The following WRN variants were observed in gnomAD, a reference collection of about 807,000 sequenced individuals.
WRN encodes WRN RecQ like helicase.
In WRN, 149 loss-of-function variants were observed where a neutral mutation model predicts 180.7. The observed-to-expected ratio is 0.82, with a 90% CI of 0.72 to 0.94. The LOEUF (loss-of-function observed/expected upper bound fraction) is 0.94, where lower values mean the gene tolerates loss of function less well. Among genes scored for constraint, WRN ranks in the 40% least tolerant of loss-of-function variants. WRN has a pLI of 0.00. For missense variants in WRN, 1,661 were observed against 1,700.1 expected (o/e 0.98, Z 0.40); for synonymous variants, 548 against 568.9 (o/e 0.96, Z 0.52).
At chr8:31,165,306 C>T (rs530540199) in intron 33 of WRN, among the ~76,000 whole-genome samples, 1 of 151,340 alleles carries the variant, frequency 6.6e-6, no homozygotes, top group Non-Finnish European at 1.5e-5. Flanking sequence ...TTCTAAATAC[C>T]CATGGAAGAA....
chr8:31,112,768 A>G (rs1427317428), intron 19 of WRN, among the ~76,000 whole-genome samples: 2 of 151,948 alleles, frequency 1.3e-5, no homozygotes, highest in East Asian at 1.9e-4. Context: ...TGTATTTTTT[A>G]GTGGAGACGG....
chr8:31,147,009 A>G, intron 28 of WRN, 44 bp from the exon 29 acceptor site: 1 of 1,498,058 alleles, frequency 6.7e-7, no homozygotes, highest in Non-Finnish European at 9.1e-7. Flanking sequence ...GTCAATGAGG[A>G]GAAAGAAAAG....
chr8:31,049,899 A>C (rs1812021620), intron 1 of WRN, among the ~76,000 whole-genome samples: 1 of 151,932 alleles, frequency 6.6e-6, no homozygotes, highest in East Asian at 1.9e-4. Flanking sequence ...CTTTACATTA[A>C]TCTTGTGGTC....
chr8:31,079,800 TCTTA>T (rs1220700431), intron 8 of WRN, among the ~76,000 whole-genome samples: 2 of 152,190 alleles, frequency 1.3e-5, no homozygotes, highest in African/African-American at 4.8e-5. Context: ...TCACAAACAA[TCTTA>T]CTTGTTGCAG....
chr8:31,058,353 T>C lies in WRN; in HGVS notation c.-76-19T>C, dbSNP rs1812354311. On this transcript the variant is annotated intron_variant, in intron 1 of 34. Coordinates refer to ENST00000298139, the MANE Select transcript of WRN (RefSeq NM_000553.6). ...ATGTATGTTTGGTTTTCATTCATATTGACAGTACTACCTCTCAGTTTTCTT... is the reference window on the plus strand; with the variant it reads ...ATGTATGTTTGGTTTTCATTCATATCGACAGTACTACCTCTCAGTTTTCTT... 1.9e-6 allele frequency: 2 copies of C among 1,026,940 alleles called. No individual in the cohort carries two copies. The highest frequency in any genetic ancestry group is 1.4e-5 in the South Asian group (1 of 72,858). The allele number at this position is 1,026,940 out of a possible 1,614,324, so 63.6% of individuals were successfully genotyped here.
At chr8:31,047,379 T>C (rs1233798187) in intron 1 of WRN, among the ~76,000 whole-genome samples, 1 of 152,118 alleles carries the variant, frequency 6.6e-6, no homozygotes, top group African/African-American at 2.4e-5. Flanking sequence ...CCTCCTGCCT[T>C]AGCCTCCCAA....
intron 24 of WRN, 110 bp from the exon 25 acceptor site, chr8:31,141,320 A>C (rs1802618048): frequency 7.1e-7 from 1 of 1,405,104 alleles, no homozygotes; most frequent in African/African-American, 1.4e-5. Flanking sequence ...GTAGGTTTTT[A>C]AAGTTGAAAT....
intron 3 of WRN, among the ~76,000 whole-genome samples, chr8:31,060,347 G>A (rs1351385516): frequency 6.6e-6 from 1 of 152,162 alleles, no homozygotes; most frequent in Non-Finnish European, 1.5e-5. Flanking sequence ...CAGGAGGATT[G>A]CTTGAGCCCA....
At position 31,040,160 on chromosome 8, in the gene WRN, C is replaced by G. The variant is rs1415832965; in HGVS notation, c.-77+6187C>G. On this transcript the variant is annotated intron_variant, in intron 1 of 34. Transcript: ENST00000298139. ...AATCCAAGGCTTTTGGCATGAGCAA[C>G]CAGAAAGATGAAGGTGACTTACTAA... 3.3e-5 allele frequency among the ~76,000 whole-genome samples: 5 copies of G among 152,150 alleles called. No individual in the cohort carries two copies. The East Asian group carries it at 9.7e-4, about 29-fold the overall frequency.
At chr8:31,085,084 G>C in intron 10 of WRN, 82 bp from the exon 11 acceptor site, 2 of 1,305,080 alleles carry the variant, frequency 1.5e-6, no homozygotes, top group Non-Finnish European at 2.2e-6. Context: ...AAGATATCTA[G>C]TATATAGGAG....
At position 31,166,323 on chromosome 8, in the gene WRN, A is replaced by G. The variant is rs148206515; in HGVS notation, c.3983-699A>G. ...CATTGCAGAAGAATGTGATGTTGGA[A>G]GGAAGTGCTGAAACATAATTATTGG... is the stretch of plus-strand genomic sequence containing the variant. On this transcript the variant is annotated intron_variant, in intron 33 of 34. Coordinates refer to ENST00000298139, the MANE Select transcript of WRN (RefSeq NM_000553.6). Among the ~76,000 whole-genome samples, 54 of 152,252 alleles carry G rather than the reference A, an allele frequency of 3.5e-4. 1 individual carries two copies. The East Asian group carries it at 6.9e-3, about 20-fold the overall frequency.
Position 31,141,506 on chromosome 8 carries a change from G to T in WRN, c.3044G>T (p.Trp1015Leu). 1 of 1,614,070 alleles carries T rather than the reference G, an allele frequency of 6.2e-7. No homozygotes were observed. Among genetic ancestry groups the T allele is most frequent in the South Asian group, 1.1e-5 (1 of 91,052 alleles). The change falls in exon 25 of 35, where the codon TGG (tryptophan) becomes TTG (leucine). Residue 1015 changes from tryptophan to leucine, a missense_variant. Trp to Leu is a moderately conservative substitution (Grantham distance 61). Around this residue, in one of 3 missense-constraint regions of WRN, gnomAD observed 1,141 missense variants for 1,149.4 expected, o/e 0.99. Transcript: ENST00000298139. ...GGCAAGGATCAAACAGAGAGTTGGT[G>T]GAAGGCTTTTTCCCGTCAGCTGATC... ...GTGKDQTESW[W>L]KAFSRQLITE...
Position 31,076,868 on chromosome 8 carries a change from C to G in WRN, c.839+581C>G, listed in dbSNP as rs16877693. On this transcript the variant is annotated intron_variant, in intron 8 of 34. Coordinates refer to ENST00000298139, the MANE Select transcript of WRN (RefSeq NM_000553.6). Reference sequence around the variant, plus strand: ...TAAAAAATTTGGATCAAATGTTATACAGATTAATAGACCTTGGAATACAGG... The same window carrying G: ...TAAAAAATTTGGATCAAATGTTATAGAGATTAATAGACCTTGGAATACAGG... 4.7e-3 allele frequency among the ~76,000 whole-genome samples: 720 copies of G among 152,230 alleles called. 4 individuals are homozygous for G. The highest frequency in any genetic ancestry group is 0.017 in the African/African-American group (703 of 41,544).
At chr8:31,156,074 C>T (rs1434620640) in intron 32 of WRN, among the ~76,000 whole-genome samples, 1 of 152,104 alleles carries the variant, frequency 6.6e-6, no homozygotes, top group Admixed American at 6.5e-5. Context: ...AGTTCAGTTT[C>T]TTATGTAAAC....
chr8:31,034,346 T>C (rs1811362118), intron 1 of WRN, among the ~76,000 whole-genome samples: 1 of 152,210 alleles, frequency 6.6e-6, no homozygotes, highest in Non-Finnish European at 1.5e-5. Context: ...TAGCAAGTGA[T>C]GATGGATATT....
At chr8:31,150,502 T>C in intron 31 of WRN, 47 bp downstream of exon 31, 1 of 1,554,130 alleles carries the variant, frequency 6.4e-7, no homozygotes, top group Non-Finnish European at 8.9e-7. Flanking sequence ...AAGCATTTTT[T>C]GTAACCATTT....
intron 7 of WRN, among the ~76,000 whole-genome samples, chr8:31,071,957 G>A (rs561389912): frequency 1.3e-5 from 2 of 152,324 alleles, no homozygotes; most frequent in South Asian, 2.1e-4. Context: ...TTTGGGATGC[G>A]TTGTCACACA....
Position 31,140,003 on chromosome 8 carries a change from G to GTTTTTT in WRN, c.2968-1402_2968-1397dup, listed in dbSNP as rs71539917. Among the ~76,000 whole-genome samples, 309 of 62,110 alleles carry GTTTTTT rather than the reference G, an allele frequency of 5.0e-3. 57 individuals are homozygous for GTTTTTT. Among genetic ancestry groups the GTTTTTT allele is most frequent in the East Asian group, 6.5e-3 (11 of 1,692 alleles). 40.7% of individuals were successfully genotyped at this position (62,110 alleles called of 152,430 possible). On this transcript the variant is annotated intron_variant, in intron 24 of 34. Coordinates refer to ENST00000298139, the MANE Select transcript of WRN (RefSeq NM_000553.6). ...AAGCTCTATGTTTGTATACTTCTTTGTTTTTTTTTTTTTTTTTTTTTTTTT... is the reference window on the plus strand; with the variant it reads ...AAGCTCTATGTTTGTATACTTCTTTGTTTTTTTTTTTTTTTTTTTTTTTTTTTTTTT...
intron 1 of WRN, among the ~76,000 whole-genome samples, chr8:31,040,658 C>T (rs1563317454): frequency 6.6e-6 from 1 of 152,082 alleles, no homozygotes; most frequent in South Asian, 2.1e-4. Flanking sequence ...ACATAAAAGT[C>T]ATTGGAAACC....
Sources: gnomAD v4.1 joint callset for allele counts (sites outside exome capture counted in the v4.1 genomes callset) on GRCh38, gnomAD v4.1.1 for gene constraint, gnomAD v4.1.1 regional missense constraint, MANE v1.5 for transcripts, NCBI Gene and HGNC (gene_info 2026-07-23, HGNC 2026-07-21) for gene names.